KIAA1217: variants seen among roughly 807,000 people sequenced by gnomAD.
KIAA1217 encodes KIAA1217.
KIAA1217 carries 88 observed loss-of-function variants against 163.9 expected under a neutral mutation model. The ratio of observed to expected loss-of-function variants is 0.54; its 90% CI spans 0.45 to 0.64. KIAA1217 has a LOEUF of 0.64. Among genes scored for constraint, KIAA1217 ranks in the 30% least tolerant of loss-of-function variants. The pLI is 0.00. For missense variants in KIAA1217, 2,372 were observed against 2,475.0 expected (o/e 0.96, Z 0.88); for synonymous variants, 903 against 923.1 (o/e 0.98, Z 0.39).
rs201397048 is a variant in KIAA1217, at chr10:24,311,767, G to GA, written c.355-69094dup. Among the ~76,000 whole-genome samples, 1,515 of 151,694 alleles carry GA rather than the reference G, an allele frequency of 1.0e-2. 20 individuals are homozygous for GA. The highest frequency in any genetic ancestry group is 0.035 in the African/African-American group (1,438 of 41,378). ...TCTGGGGGGACAAAGGCTTTCTTGGGAAAAAAAAGTCTCCTTTTTATCCTC... is the reference window on the plus strand; with the variant it reads ...TCTGGGGGGACAAAGGCTTTCTTGGGAAAAAAAAAGTCTCCTTTTTATCCTC... On this transcript the variant is annotated intron_variant, in intron 2 of 20. Coordinates refer to ENST00000376454, the MANE Select transcript of KIAA1217 (RefSeq NM_019590.5).
chr10:24,502,584 C>A (rs2067807928), intron 9 of KIAA1217, among the ~76,000 whole-genome samples: 1 of 152,160 alleles, frequency 6.6e-6, no homozygotes, highest in Admixed American at 6.5e-5. Flanking sequence ...TTGCTCTGTG[C>A]ACCTTCTCCC....
chr10:24,223,223 C>T (rs1330144670), intron 2 of KIAA1217, among the ~76,000 whole-genome samples: 1 of 152,144 alleles, frequency 6.6e-6, no homozygotes, highest in East Asian at 1.9e-4. Context: ...TTACCTAGCT[C>T]CTATTTAAGA....
chr10:23,726,979 CTTTTTTTTTTTTTTTT>C (rs1012125050), intron 1 of KIAA1217, among the ~76,000 whole-genome samples: 1 of 93,420 alleles, frequency 1.1e-5, no homozygotes, highest in Non-Finnish European at 2.0e-5. Context: ...GTATAGGCCT[CTTTTTTTTTTTTTTTT>C]TTTTTTTTTT....
intron 2 of KIAA1217, among the ~76,000 whole-genome samples, chr10:24,141,262 T>C (rs1231562285): frequency 7.6e-6 from 1 of 131,086 alleles, no homozygotes; most frequent in African/African-American, 2.8e-5. Flanking sequence ...TCCTTTTCTC[T>C]GTTCTTTGAA....
chr10:24,312,407 G>A (rs2042815798), intron 2 of KIAA1217, among the ~76,000 whole-genome samples: 1 of 152,174 alleles, frequency 6.6e-6, no homozygotes, highest in Admixed American at 6.5e-5. Context: ...CCTGAGGTCA[G>A]GAGTTCGAGA....
chr10:23,955,835 C>T (rs1225576132), intron 1 of KIAA1217, among the ~76,000 whole-genome samples: 1 of 152,154 alleles, frequency 6.6e-6, no homozygotes, highest in African/African-American at 2.4e-5. Context: ...CATTCCCTTT[C>T]GGTTCATTTT....
chr10:23,704,180 A>ATATATATATATATATATATT (rs1836716956), intron 1 of KIAA1217, among the ~76,000 whole-genome samples: 1 of 82,396 alleles, frequency 1.2e-5, no homozygotes, highest in Non-Finnish European at 2.3e-5. Flanking sequence ...GTGTATATAT[A>ATATATATATATATATATATT]TATATATATA....
chr10:23,857,072 T>C (rs931949450), intron 1 of KIAA1217, among the ~76,000 whole-genome samples: 1 of 152,208 alleles, frequency 6.6e-6, no homozygotes, highest in Non-Finnish European at 1.5e-5. Context: ...GTACCTCAGA[T>C]GGAAATGCAG....
At chr10:24,237,228 G>A (rs966448131) in intron 2 of KIAA1217, among the ~76,000 whole-genome samples, 2 of 152,236 alleles carry the variant, frequency 1.3e-5, no homozygotes, top group Non-Finnish European at 2.9e-5. Flanking sequence ...TCAACTCTTG[G>A]CATTTCTGCC....
At chr10:24,429,335 T>C (rs969816756) in intron 3 of KIAA1217, among the ~76,000 whole-genome samples, 27 of 152,316 alleles carry the variant, frequency 1.8e-4, no homozygotes, top group Admixed American at 1.7e-3. Context: ...TTTTACAATC[T>C]GCGATCTCAT....
chr10:23,867,880 G>T (rs967707744), intron 1 of KIAA1217, among the ~76,000 whole-genome samples: 5 of 152,172 alleles, frequency 3.3e-5, no homozygotes, highest in Middle Eastern at 3.4e-3. Context: ...GTCAATTTTG[G>T]CTTTTGTTGC....
intron 2 of KIAA1217, among the ~76,000 whole-genome samples, chr10:24,248,132 A>G (rs1468562766): frequency 6.6e-6 from 1 of 151,842 alleles, no homozygotes; most frequent in Non-Finnish European, 1.5e-5. Context: ...TCCCTTTTCC[A>G]TTATAGGATC....
At chr10:24,056,840 A>G (rs937819051) in intron 2 of KIAA1217, among the ~76,000 whole-genome samples, 2 of 152,216 alleles carry the variant, frequency 1.3e-5, no homozygotes, top group Non-Finnish European at 2.9e-5. Context: ...GAAAGAACAG[A>G]TTCTAGAAAT....
At chr10:23,831,955 A>C (rs1045512402) in intron 1 of KIAA1217, among the ~76,000 whole-genome samples, 2 of 152,136 alleles carry the variant, frequency 1.3e-5, no homozygotes, top group Non-Finnish European at 1.5e-5. Flanking sequence ...ACCACTCAAC[A>C]CAGAACACTT....
At chr10:23,905,475 A>G (rs1842122475) in intron 1 of KIAA1217, among the ~76,000 whole-genome samples, 1 of 152,030 alleles carries the variant, frequency 6.6e-6, no homozygotes, top group African/African-American at 2.4e-5. Flanking sequence ...GCAGGTCTTC[A>G]AAAAGGTTCA....
At chr10:24,250,574 A>T (rs527979884) in intron 2 of KIAA1217, among the ~76,000 whole-genome samples, 4 of 148,446 alleles carry the variant, frequency 2.7e-5, no homozygotes, top group African/African-American at 9.9e-5. Context: ...CTGGGACTAC[A>T]TGTGCCTGCC....
chr10:23,903,886 C>A (rs1230419111), intron 1 of KIAA1217, among the ~76,000 whole-genome samples: 1 of 152,106 alleles, frequency 6.6e-6, no homozygotes, highest in Non-Finnish European at 1.5e-5. Context: ...TGATTTCATA[C>A]AATGTCAGCC....
At chr10:23,934,420 A>G (rs900564870) in intron 1 of KIAA1217, among the ~76,000 whole-genome samples, 6 of 150,612 alleles carry the variant, frequency 4.0e-5, no homozygotes, top group African/African-American at 1.5e-4. Flanking sequence ...AGAATGGGCC[A>G]ATAGGTTCAG....
intron 6 of KIAA1217, among the ~76,000 whole-genome samples, chr10:24,489,047 A>G (rs1459099947): frequency 6.6e-6 from 1 of 152,148 alleles, no homozygotes; most frequent in Non-Finnish European, 1.5e-5. Context: ...GAGAGAGATG[A>G]CAGGGAATGA....
Sources: allele counts gnomAD v4.1 joint callset (sites outside exome capture counted in the v4.1 genomes callset), GRCh38; gene constraint gnomAD v4.1.1; transcripts MANE v1.5; gene names NCBI Gene and HGNC (gene_info 2026-07-23, HGNC 2026-07-21).